The following CNTLN variants were observed in gnomAD, a reference collection of about 807,000 sequenced individuals.
CNTLN encodes centlein.
CNTLN carries 212 observed loss-of-function variants against 180.0 expected under a neutral mutation model. That is an observed-to-expected ratio of 1.18 (90% confidence interval 1.05 to 1.32). CNTLN has a LOEUF of 1.32. CNTLN is among the 40% of genes most tolerant of loss of function. CNTLN has a pLI of 0.00. For missense variants in CNTLN, 2,095 were observed against 1,610.9 expected, an observed-to-expected ratio of 1.30 and a Z score of -5.14; for synonymous variants, 722 against 563.1, an observed-to-expected ratio of 1.28 and a Z score of -3.99.
At chr9:17,362,048 A>G (rs1034306925) in intron 12 of CNTLN, among the ~76,000 whole-genome samples, 2 of 152,244 alleles carry the variant, frequency 1.3e-5, no homozygotes, top group African/African-American at 4.8e-5. Context: ...GTTTGACTCA[A>G]GAACAAGGTG....
At chr9:17,165,315 C>A (rs192223281) in intron 2 of CNTLN, among the ~76,000 whole-genome samples, 1 of 152,148 alleles carries the variant, frequency 6.6e-6, no homozygotes, top group African/African-American at 2.4e-5. Flanking sequence ...ACCTCCTCCC[C>A]AAATCCCACT....
At chr9:17,483,985 A>T (rs2499052) in intron 23 of CNTLN, among the ~76,000 whole-genome samples, 7,082 of 152,244 alleles carry the variant, frequency 0.047, 198 homozygotes, top group Middle Eastern at 0.12. Flanking sequence ...AACTAGTAGA[A>T]GTTGTTGTGC....
chr9:17,218,672 A>G (rs1338350986), intron 2 of CNTLN, among the ~76,000 whole-genome samples: 1 of 152,172 alleles, frequency 6.6e-6, no homozygotes, highest in African/African-American at 2.4e-5. Context: ...CTCAAATGAA[A>G]GAAAACGTTA....
chr9:17,397,497 G>A (rs953485918), intron 15 of CNTLN, among the ~76,000 whole-genome samples: 5 of 152,146 alleles, frequency 3.3e-5, no homozygotes, highest in Admixed American at 2.6e-4. Context: ...GAATAGCAGC[G>A]AGGATGACCA....
At chr9:17,248,133 T>C (rs1825916178) in intron 5 of CNTLN, among the ~76,000 whole-genome samples, 1 of 152,196 alleles carries the variant, frequency 6.6e-6, no homozygotes, top group Non-Finnish European at 1.5e-5. Flanking sequence ...GCCTCGTCTT[T>C]CACTATACTG....
intron 2 of CNTLN, among the ~76,000 whole-genome samples, chr9:17,195,120 A>G (rs1488805552): frequency 6.6e-6 from 1 of 152,196 alleles, no homozygotes; most frequent in Non-Finnish European, 1.5e-5. Context: ...AGCTAAACAG[A>G]AAACCTTGAA....
intron 2 of CNTLN, among the ~76,000 whole-genome samples, chr9:17,192,142 T>G (rs116822996): frequency 6.6e-6 from 1 of 152,092 alleles, no homozygotes; most frequent in African/African-American, 2.4e-5. Flanking sequence ...TAATGGCTAA[T>G]AATATATTGA....
At chr9:17,450,624 G>T (rs531924066) in intron 18 of CNTLN, among the ~76,000 whole-genome samples, 2 of 152,140 alleles carry the variant, frequency 1.3e-5, no homozygotes, top group Non-Finnish European at 1.5e-5. Flanking sequence ...GGTCTCTAAA[G>T]GCTACTGAAG....
chr9:17,347,936 A>G (rs969807875), intron 12 of CNTLN, among the ~76,000 whole-genome samples: 2 of 151,984 alleles, frequency 1.3e-5, no homozygotes, highest in African/African-American at 2.4e-5. Flanking sequence ...GGTTCAAGGT[A>G]TTCTTCTGCC....
chr9:17,425,064 AG>A (rs1363285369), intron 18 of CNTLN, among the ~76,000 whole-genome samples: 1 of 152,240 alleles, frequency 6.6e-6, no homozygotes, highest in Non-Finnish European at 1.5e-5. Flanking sequence ...ATCTATATTT[AG>A]CGAAAACAGA....
intron 5 of CNTLN, among the ~76,000 whole-genome samples, chr9:17,272,265 C>T (rs1028455768): frequency 2.6e-5 from 4 of 151,880 alleles, no homozygotes; most frequent in South Asian, 2.1e-4. Context: ...TTAGTAGAGG[C>T]GGGGTTTCAC....
At chr9:17,201,735 T>C (rs1346896999) in intron 2 of CNTLN, among the ~76,000 whole-genome samples, 1 of 152,110 alleles carries the variant, frequency 6.6e-6, no homozygotes, top group Non-Finnish European at 1.5e-5. Context: ...TTGTTCTTTA[T>C]TATTAGTCTA....
intron 1 of CNTLN, among the ~76,000 whole-genome samples, chr9:17,139,692 G>A (rs1817956439): frequency 6.6e-6 from 1 of 151,884 alleles, no homozygotes. Flanking sequence ...AGTGAGTAAT[G>A]TTAGGTTTTT....
chr9:17,418,192 A>G (rs1828413736), intron 18 of CNTLN, among the ~76,000 whole-genome samples: 1 of 152,012 alleles, frequency 6.6e-6, no homozygotes, highest in South Asian at 2.1e-4. Context: ...GTACTTTAGG[A>G]AAGAGTAAGA....
intron 5 of CNTLN, among the ~76,000 whole-genome samples, chr9:17,257,403 T>A (rs1445188611): frequency 1.3e-5 from 2 of 152,118 alleles, no homozygotes; most frequent in African/African-American, 4.8e-5. Context: ...TGGTTCCAAG[T>A]CTTTGCTATT....
intron 18 of CNTLN, among the ~76,000 whole-genome samples, chr9:17,431,634 T>C (rs1239733409): frequency 6.6e-6 from 1 of 152,096 alleles, no homozygotes; most frequent in Non-Finnish European, 1.5e-5. Flanking sequence ...CCCTGAAGTG[T>C]TTTTTCCCAG....
intron 6 of CNTLN, among the ~76,000 whole-genome samples, chr9:17,291,861 A>G (rs1409088816): frequency 1.3e-5 from 2 of 152,108 alleles, no homozygotes; most frequent in Non-Finnish European, 2.9e-5. Context: ...GTAGCTGGTT[A>G]TCAGACTTGG....
intron 14 of CNTLN, among the ~76,000 whole-genome samples, chr9:17,389,746 A>G (rs1825953430): frequency 6.7e-6 from 1 of 149,908 alleles, no homozygotes; most frequent in Non-Finnish European, 1.5e-5. Context: ...ACATATATGC[A>G]GATTATTTTG....
chr9:17,432,376 C>T (rs1829467466), intron 18 of CNTLN, among the ~76,000 whole-genome samples: 1 of 152,102 alleles, frequency 6.6e-6, no homozygotes, highest in South Asian at 2.1e-4. Flanking sequence ...ATTAAAAGTT[C>T]ACTGACTGTA....
Sources: gnomAD v4.1 joint callset for allele counts (sites outside exome capture counted in the v4.1 genomes callset) on GRCh38, gnomAD v4.1.1 for gene constraint, MANE v1.5 for transcripts, NCBI Gene and HGNC (gene_info 2026-07-23, HGNC 2026-07-21) for gene names.